Variants in NUP214 observed in about 807,000 individuals in gnomAD.
NUP214 encodes the protein nucleoporin 214, also known as nuclear pore complex protein Nup214.
In NUP214, 79 loss-of-function variants were observed where a neutral mutation model predicts 196.2. The ratio of observed to expected loss-of-function variants is 0.40; its 90% CI spans 0.34 to 0.49. The LOEUF (loss-of-function observed/expected upper bound fraction) is 0.49. Ranked by LOEUF, NUP214 falls within the 20% of genes least tolerant of loss-of-function variation. The pLI is 0.58. For synonymous variants in NUP214, 1,020 were observed against 990.5 expected, an observed-to-expected ratio of 1.03 and a Z score of -0.56; for missense variants, 2,468 against 2,539.0, an observed-to-expected ratio of 0.97 and a Z score of 0.60.
Position 131,175,594 on chromosome 9 carries a change from A to AG in NUP214, c.3294dup (p.Arg1099AlafsTer15), listed in dbSNP as rs1402932281. 1 of 1,614,198 alleles carries AG rather than the reference A, an allele frequency of 6.2e-7. No homozygotes were observed. Reference sequence around the variant, plus strand: ...GCAGGCAGCTGCCGCAGCAGCACTCAGGCGGCAGATGGCCAGTCAGGCACC... The same window carrying AG: ...GCAGGCAGCTGCCGCAGCAGCACTCAGGGCGGCAGATGGCCAGTCAGGCACC... On this transcript the variant is annotated frameshift_variant, in exon 23 of 36. Coordinates refer to ENST00000359428, the MANE Select transcript of NUP214 (RefSeq NM_005085.4). LOFTEE classifies it high-confidence loss of function.
intron 18 of NUP214, among the ~76,000 whole-genome samples, chr9:131,162,263 G>T (rs1235870943): frequency 6.6e-6 from 1 of 152,188 alleles, no homozygotes; most frequent in Non-Finnish European, 1.5e-5. Flanking sequence ...TGTGGCACAT[G>T]ACTGTATTGA....
intron 23 of NUP214, among the ~76,000 whole-genome samples, chr9:131,177,986 C>T (rs1833162741): frequency 6.6e-6 from 1 of 152,170 alleles, no homozygotes; most frequent in Admixed American, 6.5e-5. Flanking sequence ...AATCCTCTAG[C>T]TCAAGCTGCC....
At chr9:131,204,608 C>G (rs946155568) in intron 30 of NUP214, among the ~76,000 whole-genome samples, 4 of 152,072 alleles carry the variant, frequency 2.6e-5, no homozygotes, top group African/African-American at 9.7e-5. Context: ...GCTGACCTAA[C>G]TAGAAGGTAG....
intron 4 of NUP214, among the ~76,000 whole-genome samples, chr9:131,130,023 T>C (rs572515361): frequency 2.6e-5 from 4 of 152,260 alleles, no homozygotes; most frequent in Non-Finnish European, 4.4e-5. Context: ...GAAGTGTTTT[T>C]TGGGAATAAT....
chr9:131,215,447 G>A, intron 31 of NUP214, 79 bp downstream of exon 31: 1 of 1,310,924 alleles, frequency 7.6e-7, no homozygotes, highest in Non-Finnish European at 1.0e-6. Flanking sequence ...AAGCTTCAGT[G>A]ACAAATATAA....
chr9:131,176,290 A>C (rs187596209), intron 23 of NUP214, among the ~76,000 whole-genome samples: 48 of 151,126 alleles, frequency 3.2e-4, no homozygotes, highest in Non-Finnish European at 5.5e-4. Flanking sequence ...TCAGTTGAGC[A>C]TTTTTTCTTC....
intron 30 of NUP214, among the ~76,000 whole-genome samples, chr9:131,202,068 A>G (rs1379564801): frequency 2.0e-5 from 3 of 152,078 alleles, no homozygotes; most frequent in South Asian, 2.1e-4. Context: ...GGCTCAAGCA[A>G]TCCTCCTGCC....
At chr9:131,202,097 T>G (rs1043898683) in intron 30 of NUP214, among the ~76,000 whole-genome samples, 6 of 152,106 alleles carry the variant, frequency 3.9e-5, no homozygotes, top group African/African-American at 1.4e-4. Context: ...CCCAGTAGTT[T>G]GGATTGTAGG....
At chr9:131,213,506 C>T (rs2131076699) in intron 30 of NUP214, among the ~76,000 whole-genome samples, 1 of 152,220 alleles carries the variant, frequency 6.6e-6, no homozygotes, top group East Asian at 1.9e-4. Flanking sequence ...TTAAGCTGAA[C>T]CATTTGAGGT....
At chr9:131,149,031 C>T (rs1276726541) in intron 14 of NUP214, among the ~76,000 whole-genome samples, 1 of 152,054 alleles carries the variant, frequency 6.6e-6, no homozygotes, top group Non-Finnish European at 1.5e-5. Context: ...TCCATCATCT[C>T]AGTTTATTTT....
chr9:131,195,251 G>A lies in NUP214; in HGVS notation c.3678G>A (p.Gly1226=), dbSNP rs1442999463. Residue 1226 remains glycine (G), a synonymous_variant, in exon 28 of 36, where the codon GGG becomes GGA. Coordinates refer to ENST00000359428, the MANE Select transcript of NUP214 (RefSeq NM_005085.4). ...TTGTTAGGACTGGCTTTAATTTTGG[G>A]ATAATCACACCAACACCGTCTTCTA... The part of the protein sequence containing the change: ...FSPSGTGFNF[G]IITPTPSSNF... The A allele has an allele frequency of 1.9e-6, 3 of 1,612,580 alleles. No individual in the cohort carries two copies. Among genetic ancestry groups the A allele is most frequent in the African/African-American group, 2.7e-5 (2 of 74,858 alleles).
At chr9:131,207,483 A>G (rs1010795579) in intron 30 of NUP214, among the ~76,000 whole-genome samples, 2 of 152,156 alleles carry the variant, frequency 1.3e-5, no homozygotes, top group Admixed American at 6.6e-5. Context: ...GCTTCCTCAC[A>G]ACGTGGTGGC....
intron 21 of NUP214, among the ~76,000 whole-genome samples, chr9:131,170,781 G>T (rs1832933316): frequency 7.2e-6 from 1 of 139,042 alleles, no homozygotes; most frequent in African/African-American, 2.7e-5. Context: ...TGCCTTTCCA[G>T]TCCTTTTGTT....
chr9:131,125,610 CTGAGGGGAGGAA>C lies in NUP214; in HGVS notation c.-94_-83del. 1 of 1,538,846 alleles carries C rather than the reference CTGAGGGGAGGAA, an allele frequency of 6.5e-7. No homozygotes were observed. Among genetic ancestry groups the C allele is most frequent in the Non-Finnish European group, 8.8e-7 (1 of 1,141,146 alleles). ...CGAGGTCAACTGCGCGCCGCTGGCG[CTGAGGGGAGGAA>C]GTTTGCTGTCGAGCGGCCTGGGTTC... On this transcript the variant is annotated 5_prime_UTR_variant, in exon 1 of 36. Coordinates refer to ENST00000359428, the MANE Select transcript of NUP214 (RefSeq NM_005085.4). This position sits in a 1 kb window ranked among gnomAD's most constrained non-coding sequence, Gnocchi z 4.1.
At chr9:131,137,660 C>A (rs574516708) in intron 9 of NUP214, among the ~76,000 whole-genome samples, 1 of 150,166 alleles carries the variant, frequency 6.7e-6, no homozygotes, top group Non-Finnish European at 1.5e-5. Context: ...AAGCGATTCT[C>A]ATGCCTCAGC....
chr9:131,185,639 G>A (rs576571236), intron 24 of NUP214, among the ~76,000 whole-genome samples: 39 of 152,280 alleles, frequency 2.6e-4, no homozygotes, highest in African/African-American at 7.2e-4. Flanking sequence ...ATGCAAAAAC[G>A]TTTGAACATA....
chr9:131,190,322 C>A, intron 26 of NUP214: 2 of 577,290 alleles, frequency 3.5e-6, no homozygotes, highest in Non-Finnish European at 6.1e-6. Flanking sequence ...GTTTTTGTCA[C>A]TCTTGGAGTT....
chr9:131,209,373 C>A (rs558280030), intron 30 of NUP214, among the ~76,000 whole-genome samples: 1 of 152,108 alleles, frequency 6.6e-6, no homozygotes, highest in Non-Finnish European at 1.5e-5. Context: ...AAAGTGAGAA[C>A]CCTGTCTCAG....
chr9:131,132,758 G>A lies in NUP214; in HGVS notation c.727+99G>A. 1.7e-5 allele frequency: 18 copies of A among 1,039,386 alleles called. No individual in the cohort carries two copies. In the South Asian group the frequency reaches 2.5e-4, roughly 14 times the overall value. The allele number at this position is 1,039,386 out of a possible 1,614,324, so 64.4% of individuals were successfully genotyped here. On this transcript the variant is annotated intron_variant, in intron 6 of 35. Transcript: ENST00000359428. ...AATGTACCTGCTCAGTGAGGTATTG[G>A]TGTTTGCTTTATGAATAATGTCACT...
Sources: allele counts gnomAD v4.1 joint callset (sites outside exome capture counted in the v4.1 genomes callset), GRCh38; gene constraint gnomAD v4.1.1; non-coding constraint Gnocchi (gnomAD v3.1); transcripts MANE v1.5; gene names NCBI Gene and HGNC (gene_info 2026-07-23, HGNC 2026-07-21).